Variants in LHX4 observed in about 807,000 individuals in gnomAD.
The protein encoded by LHX4 is LIM homeobox 4.
LHX4 carries 16 observed loss-of-function variants against 39.2 expected under a neutral mutation model. The ratio of observed to expected loss-of-function variants is 0.41; its 90% CI spans 0.28 to 0.62. The LOEUF (loss-of-function observed/expected upper bound fraction) is 0.62. Ranked by LOEUF, LHX4 falls within the 20% of genes least tolerant of loss-of-function variation. The pLI is 0.33. For synonymous variants in LHX4, 206 were observed against 198.1 expected (o/e 1.04, Z -0.33); for missense variants, 439 against 511.9 (o/e 0.86, Z 1.37).
chr1:180,233,514 C>T (rs1664228452), intron 1 of LHX4, among the ~76,000 whole-genome samples: 2 of 152,238 alleles, frequency 1.3e-5, no homozygotes, highest in East Asian at 3.9e-4. Context: ...GAGAGCCTTC[C>T]GAGCCGCCTC....
Position 180,276,157 on chromosome 1 carries a change from G to A in LHX4, c.*1578G>A, listed in dbSNP as rs780463630. ...CAGCAGAGTAGGAAAGGGTGAGAAGGCATTGCCTATCACATGAAGTGATGG... is the reference window on the plus strand; with the variant it reads ...CAGCAGAGTAGGAAAGGGTGAGAAGACATTGCCTATCACATGAAGTGATGG... On this transcript the variant is annotated 3_prime_UTR_variant, in exon 6 of 6. Coordinates refer to ENST00000263726, the MANE Select transcript of LHX4 (RefSeq NM_033343.4). The A allele has an allele frequency of 6.6e-6, 1 of 152,220 alleles. No homozygotes were observed. Among genetic ancestry groups the A allele is most frequent in the Non-Finnish European group, 1.5e-5 (1 of 68,050 alleles). The allele number at this position is 152,220 out of a possible 1,614,324, so 9.4% of individuals were successfully genotyped here. A position where few individuals can be genotyped will look rare whatever the true frequency, so the allele number is the denominator to read the frequency against.
intron 1 of LHX4, among the ~76,000 whole-genome samples, chr1:180,238,514 C>T (rs1664376524): frequency 6.6e-6 from 1 of 152,174 alleles, no homozygotes; most frequent in Admixed American, 6.5e-5. Flanking sequence ...CAATGCGATG[C>T]TAATTTTTAA....
intron 2 of LHX4, among the ~76,000 whole-genome samples, chr1:180,253,313 A>C (rs1036065567): frequency 6.6e-6 from 1 of 152,176 alleles, no homozygotes; most frequent in Non-Finnish European, 1.5e-5. Flanking sequence ...TCCCCTTGCT[A>C]TCACCAGGTG....
chr1:180,234,200 TATATATATATATATATATATA>T lies in LHX4; in HGVS notation c.76+3599_76+3619del, dbSNP rs1571254475. Among the ~76,000 whole-genome samples, 39 of 67,266 alleles carry T rather than the reference TATATATATATATATATATATA, an allele frequency of 5.8e-4. No individual in the cohort carries two copies. Among genetic ancestry groups the T allele is most frequent in the South Asian group, 2.1e-3 (3 of 1,424 alleles). 44.1% of individuals were successfully genotyped at this position (67,266 alleles called of 152,430 possible). Reference sequence around the variant, plus strand: ...ATATATATATATATATATATATATATATATATATATATATATATATAATAGATTGAGATTCTATCATATTCC... The same window carrying T: ...ATATATATATATATATATATATATATATAGATTGAGATTCTATCATATTCC... On this transcript the variant is annotated intron_variant, in intron 1 of 5. Coordinates refer to ENST00000263726, the MANE Select transcript of LHX4 (RefSeq NM_033343.4). This position sits in a 1 kb window ranked among gnomAD's most constrained non-coding sequence, Gnocchi z 4.8.
intron 5 of LHX4, 103 bp downstream of exon 5, chr1:180,272,109 C>A: frequency 9.9e-7 from 1 of 1,013,720 alleles, no homozygotes; most frequent in Admixed American, 2.8e-5. Flanking sequence ...CTTGGCAACT[C>A]CCTCCTGAAC....
intron 2 of LHX4, among the ~76,000 whole-genome samples, chr1:180,259,875 A>G (rs750735720): frequency 4.2e-4 from 64 of 151,616 alleles, no homozygotes; most frequent in Non-Finnish European, 5.0e-4. Context: ...AGCGGGGTCC[A>G]ATGGTGGGAG....
At chr1:180,231,713 C>T (rs1447633384) in intron 1 of LHX4, among the ~76,000 whole-genome samples, 1 of 151,982 alleles carries the variant, frequency 6.6e-6, no homozygotes, top group Non-Finnish European at 1.5e-5. Context: ...TTTAGTGGTG[C>T]GGTAGCTACA....
At chr1:180,239,993 G>A (rs1157136996) in intron 1 of LHX4, among the ~76,000 whole-genome samples, 3 of 152,174 alleles carry the variant, frequency 2.0e-5, no homozygotes, top group African/African-American at 7.2e-5. Context: ...TTTCTCGAAA[G>A]GAGCAAGAAA....
At position 180,251,800 on chromosome 1, in the gene LHX4, G is replaced by A. The variant is rs573008670; in HGVS notation, c.248+3344G>A. Among the ~76,000 whole-genome samples the A allele has an allele frequency of 2.0e-5, 3 of 152,320 alleles. No homozygotes were observed. The South Asian group carries it at 6.2e-4, about 32-fold the overall frequency. ...TGAAATGACCTACTCTCAGGGCTGG[G>A]TCCTTCTGTAATGCAGGGCATCTGG... On this transcript the variant is annotated intron_variant, in intron 2 of 5. Coordinates refer to ENST00000263726, the MANE Select transcript of LHX4 (RefSeq NM_033343.4).
intron 1 of LHX4, among the ~76,000 whole-genome samples, chr1:180,236,667 G>A (rs1357227743): frequency 6.6e-6 from 1 of 152,206 alleles, no homozygotes; most frequent in African/African-American, 2.4e-5. Flanking sequence ...CTATTGAAGA[G>A]TTGTGGATGG....
rs781082569 is a variant in LHX4, at chr1:180,271,513, C to A, written c.585C>A (p.Gly195=). ...GGGAGCAGCTGTCCTCAGAGACAGG[C>A]CTGGACATGAGGGTCGTACAGGTGA... ...HVREQLSSET[G]LDMRVVQVWF... is the part of the protein sequence containing the mutation. Residue 195 remains glycine (G), a synonymous_variant, in exon 4 of 6, where the codon GGC becomes GGA. Coordinates refer to ENST00000263726, the MANE Select transcript of LHX4 (RefSeq NM_033343.4). The A allele has an allele frequency of 6.2e-6, 10 of 1,614,016 alleles. No individual in the cohort carries two copies. Among genetic ancestry groups the A allele is most frequent in the Non-Finnish European group, 7.6e-6 (9 of 1,180,032 alleles).
chr1:180,254,774 C>T (rs976030977), intron 2 of LHX4, among the ~76,000 whole-genome samples: 6 of 152,124 alleles, frequency 3.9e-5, no homozygotes, highest in South Asian at 2.1e-4. Context: ...TCTCTACAGG[C>T]GGAAGAAAAA....
chr1:180,230,196 C>A (rs1378384827), upstream of LHX4: 3 of 411,426 alleles, frequency 7.3e-6, no homozygotes, highest in Non-Finnish European at 1.3e-5. The surrounding 1 kb of genome is among the most constrained non-coding windows in gnomAD (Gnocchi z 5.8). Flanking sequence ...GCCTCCCGGG[C>A]GGCCGGCACG....
At chr1:180,254,721 C>T (rs1027817138) in intron 2 of LHX4, among the ~76,000 whole-genome samples, 5 of 152,304 alleles carry the variant, frequency 3.3e-5, no homozygotes, top group African/African-American at 4.8e-5. Flanking sequence ...CCAGGCTCAG[C>T]GTGAACTTGG....
intron 2 of LHX4, among the ~76,000 whole-genome samples, chr1:180,259,797 G>C (rs1648030147): frequency 6.6e-6 from 1 of 151,694 alleles, no homozygotes; most frequent in Admixed American, 6.5e-5. Flanking sequence ...GCGAGGGACA[G>C]TGACAAGCCC....
At chr1:180,267,203 C>T (rs1413880822) in intron 3 of LHX4, among the ~76,000 whole-genome samples, 5 of 152,332 alleles carry the variant, frequency 3.3e-5, no homozygotes, top group East Asian at 1.9e-4. Flanking sequence ...AGGGAGGCTC[C>T]GTCTCAGCAA....
chr1:180,249,890 T>A (rs574221813), intron 2 of LHX4, among the ~76,000 whole-genome samples: 2 of 149,954 alleles, frequency 1.3e-5, no homozygotes, highest in African/African-American at 5.1e-5. Context: ...TGTGTGAGTG[T>A]GTGTATGAGT....
At chr1:180,228,873 C>T (rs749603620), upstream of LHX4, among the ~76,000 whole-genome samples, 1 of 152,178 alleles carries the variant, frequency 6.6e-6, no homozygotes, top group South Asian at 2.1e-4. Context: ...ACACAGTCCC[C>T]CTTCCCGCCT....
Position 180,258,832 on chromosome 1 carries a change from T to C in LHX4, c.249-7560T>C, listed in dbSNP as rs377449732. Among the ~76,000 whole-genome samples, 74 of 151,190 alleles carry C rather than the reference T, an allele frequency of 4.9e-4. 2 individuals are homozygous for C. The South Asian group carries it at 0.015, about 31-fold the overall frequency. The stretch of plus-strand genomic sequence containing the variant: ...ATAATAATAGTAATAATAATGATAG[T>C]AATAATAATTATTATTATTCTGAGT... On this transcript the variant is annotated intron_variant, in intron 2 of 5. Coordinates refer to ENST00000263726, the MANE Select transcript of LHX4 (RefSeq NM_033343.4).
Sources: gnomAD v4.1 joint callset for allele counts (sites outside exome capture counted in the v4.1 genomes callset) on GRCh38, gnomAD v4.1.1 for gene constraint, Gnocchi (gnomAD v3.1) non-coding constraint, MANE v1.5 for transcripts, NCBI Gene and HGNC (gene_info 2026-07-23, HGNC 2026-07-21) for gene names.